Variants in FOXP4 observed in about 807,000 individuals in gnomAD.
FOXP4 encodes forkhead box P4.
FOXP4 carries 25 observed loss-of-function variants against 82.6 expected under a neutral mutation model. The observed-to-expected ratio is 0.30, with a 90% CI of 0.22 to 0.42. The LOEUF (loss-of-function observed/expected upper bound fraction) is 0.42. FOXP4 is among the 10% of genes least tolerant of loss of function. FOXP4 has a pLI of 1.00. For synonymous variants in FOXP4, 415 were observed against 388.2 expected, an observed-to-expected ratio of 1.07 and a Z score of -0.81; for missense variants, 785 against 900.9, an observed-to-expected ratio of 0.87 and a Z score of 1.65.
At position 41,595,756 on chromosome 6, in the gene FOXP4, C is replaced by T. The variant is rs370485514; in HGVS notation, c.1658+765C>T. Among the ~76,000 whole-genome samples, 3 of 152,230 alleles carry T rather than the reference C, an allele frequency of 2.0e-5. No homozygotes were observed. The East Asian group carries it at 5.8e-4, about 29-fold the overall frequency. On this transcript the variant is annotated intron_variant, in intron 14 of 16. Coordinates refer to ENST00000307972, the MANE Select transcript of FOXP4 (RefSeq NM_001012426.2). Reference sequence around the variant, plus strand: ...TAGCTAGAATTACAGGTGCCCACGACCACGCCCGGCTAATTTTTTTTGTAT... The same window carrying T: ...TAGCTAGAATTACAGGTGCCCACGATCACGCCCGGCTAATTTTTTTTGTAT...
chr6:41,594,758 G>C, intron 13 of FOXP4, 112 bp from the exon 14 acceptor site: 1 of 1,507,930 alleles, frequency 6.6e-7, no homozygotes, highest in Non-Finnish European at 9.0e-7. Context: ...GCTCATCCCT[G>C]AGCTGGGGAA....
chr6:41,561,254 C>G (rs1442639212), intron 1 of FOXP4, among the ~76,000 whole-genome samples: 1 of 152,206 alleles, frequency 6.6e-6, no homozygotes, highest in African/African-American at 2.4e-5. Flanking sequence ...TAGGTCCTGC[C>G]TAAGTGCAGG....
At position 41,548,826 on chromosome 6, in the gene FOXP4, T is replaced by A. The variant is rs1323667385; in HGVS notation, c.-17+1959T>A. Among the ~76,000 whole-genome samples, 4 of 1,074 alleles carry A rather than the reference T, an allele frequency of 3.7e-3. No homozygotes were observed. In the East Asian group the frequency reaches 0.094, roughly 25 times the overall value. 0.7% of individuals were successfully genotyped at this position (1,074 alleles called of 152,430 possible). ...CCGCTGTGGGGAAGTCTGAAGGCCT[T>A]TTTTTTTTTTTTTTTTTTTCAACTT... On this transcript the variant is annotated intron_variant, in intron 1 of 16. Coordinates refer to ENST00000307972, the MANE Select transcript of FOXP4 (RefSeq NM_001012426.2).
intron 2 of FOXP4, among the ~76,000 whole-genome samples, chr6:41,573,174 C>G (rs947489214): frequency 2.0e-5 from 3 of 152,112 alleles, no homozygotes; most frequent in Non-Finnish European, 2.9e-5. Flanking sequence ...CTGGGATCCT[C>G]CAGCCTGCTG....
chr6:41,592,349 T>C (rs974141463), intron 13 of FOXP4, among the ~76,000 whole-genome samples: 1 of 152,158 alleles, frequency 6.6e-6, no homozygotes, highest in African/African-American at 2.4e-5. Flanking sequence ...CATCATGACT[T>C]TCATATGCTC....
intron 2 of FOXP4, among the ~76,000 whole-genome samples, chr6:41,576,391 T>G (rs940898198): frequency 6.6e-6 from 1 of 152,162 alleles, no homozygotes; most frequent in African/African-American, 2.4e-5. Context: ...TGTATATGCT[T>G]GGTACACAGT....
In FOXP4 at chr6:41,591,679, C is replaced by T. The variant is rs1274034057; in HGVS notation, c.1536+357C>T. Among the ~76,000 whole-genome samples the T allele has an allele frequency of 6.6e-6, 1 of 152,072 alleles. No homozygotes were observed. Among genetic ancestry groups the T allele is most frequent in the Non-Finnish European group, 1.5e-5 (1 of 68,008 alleles). ...AAGCCTGGGCCGAATTTCACAGAGA[C>T]CCTAAGGGTCTGGATACCTTGGCTT... On this transcript the variant is annotated intron_variant, in intron 13 of 16. Coordinates refer to ENST00000307972, the MANE Select transcript of FOXP4 (RefSeq NM_001012426.2). The surrounding 1 kb of genome is among the most constrained non-coding windows in gnomAD (Gnocchi z 4.2).
At chr6:41,556,337 T>C (rs1764274274) in intron 1 of FOXP4, among the ~76,000 whole-genome samples, 1 of 151,726 alleles carries the variant, frequency 6.6e-6, no homozygotes, top group African/African-American at 2.4e-5. Context: ...TTTTTTTTTT[T>C]TTTTGAAATG....
intron 3 of FOXP4, among the ~76,000 whole-genome samples, chr6:41,580,363 A>G (rs904255670): frequency 4.6e-5 from 7 of 152,212 alleles, no homozygotes; most frequent in Non-Finnish European, 1.0e-4. Flanking sequence ...GGCGTGAGCC[A>G]TCGTGCCCGG....
In FOXP4 at chr6:41,554,294, C is replaced by T. The variant is rs973130681; in HGVS notation, c.-17+7427C>T. On this transcript the variant is annotated intron_variant, in intron 1 of 16. Transcript: ENST00000307972. ...CCCTGCTGAGTTTTGTTGACCCACACACAGTTCATTACAATGGTAAATTTC... is the reference window on the plus strand; with the variant it reads ...CCCTGCTGAGTTTTGTTGACCCACATACAGTTCATTACAATGGTAAATTTC... Among the ~76,000 whole-genome samples the T allele has an allele frequency of 3.3e-5, 5 of 152,212 alleles. No individual in the cohort carries two copies. The East Asian group carries it at 9.6e-4, about 29-fold the overall frequency.
rs568931703 is a variant in FOXP4 at position 41,561,787 on chromosome 6, G to A, written c.-16-3958G>A. ...TTCATGTCCACATGCCAGACTGAGA[G>A]TGAGAAGAGACCTTCAGGACCACCT... On this transcript the variant is annotated intron_variant, in intron 1 of 16. Coordinates refer to ENST00000307972, the MANE Select transcript of FOXP4 (RefSeq NM_001012426.2). 6.6e-5 allele frequency among the ~76,000 whole-genome samples: 10 copies of A among 152,352 alleles called. No homozygotes were observed. In the South Asian group the frequency reaches 1.9e-3, roughly 28 times the overall value.
chr6:41,588,511 C>T (rs549445254), intron 8 of FOXP4, 133 bp from the exon 9 acceptor site: 2 of 866,608 alleles, frequency 2.3e-6, no homozygotes, highest in South Asian at 3.0e-5. Context: ...CGTTTTTCCA[C>T]CTCTTTCTCT....
chr6:41,565,711 C>T (rs761354355), intron 1 of FOXP4, 34 bp from the exon 2 acceptor site: 2 of 1,542,344 alleles, frequency 1.3e-6, no homozygotes, highest in Non-Finnish European at 8.8e-7. Context: ...CCTTCAGCCT[C>T]AGCCTCTCCC....
intron 13 of FOXP4, among the ~76,000 whole-genome samples, 195 bp from the exon 14 acceptor site, chr6:41,594,675 C>T (rs941002514): frequency 2.6e-5 from 4 of 152,130 alleles, no homozygotes; most frequent in Admixed American, 1.3e-4. Flanking sequence ...GCTGGGAACC[C>T]CTGGCTCTAT....
At position 41,572,918 on chromosome 6, in the gene FOXP4, A is replaced by G. The variant is rs1011185789; in HGVS notation, c.205-5068A>G. 3.3e-5 allele frequency among the ~76,000 whole-genome samples: 5 copies of G among 152,228 alleles called. No homozygotes were observed. The East Asian group carries it at 9.6e-4, about 29-fold the overall frequency. Reference sequence around the variant, plus strand: ...TCTCTGGATCTCTGTTTCTCCATCTATCAGTGAACTAGAAAATACCTATTT... The same window carrying G: ...TCTCTGGATCTCTGTTTCTCCATCTGTCAGTGAACTAGAAAATACCTATTT... On this transcript the variant is annotated intron_variant, in intron 2 of 16. Transcript: ENST00000307972.
At position 41,588,523 on chromosome 6, in the gene FOXP4, C is replaced by G. The variant is rs983759426; in HGVS notation, c.978-121C>G. The G allele has an allele frequency of 6.3e-6, 6 of 955,444 alleles. No homozygotes were observed. In the African/African-American group the frequency reaches 9.6e-5, roughly 15 times the overall value. The allele number at this position is 955,444 out of a possible 1,614,324, so 59.2% of individuals were successfully genotyped here. On this transcript the variant is annotated intron_variant, in intron 8 of 16. Transcript: ENST00000307972. ...CCCCGTTTTTCCACCTCTTTCTCTTCTTTGTATCTCTTGGTCTGTCTGCTT... is the reference window on the plus strand; with the variant it reads ...CCCCGTTTTTCCACCTCTTTCTCTTGTTTGTATCTCTTGGTCTGTCTGCTT...
intron 1 of FOXP4, among the ~76,000 whole-genome samples, chr6:41,559,724 T>C (rs1372628501): frequency 6.6e-6 from 1 of 152,160 alleles, no homozygotes; most frequent in Non-Finnish European, 1.5e-5. Flanking sequence ...TGCAGATATA[T>C]CATCTAGTTT....
chr6:41,579,359 G>A (rs1765671505), intron 3 of FOXP4, among the ~76,000 whole-genome samples: 1 of 152,092 alleles, frequency 6.6e-6, no homozygotes, highest in Admixed American at 6.6e-5. Flanking sequence ...GTCAGGATTG[G>A]GCCTCTTTAA....
intron 2 of FOXP4, among the ~76,000 whole-genome samples, chr6:41,569,445 A>T (rs575873084): frequency 6.6e-6 from 1 of 152,154 alleles, no homozygotes; most frequent in Non-Finnish European, 1.5e-5. Context: ...CTTGTGTTTT[A>T]TTCTAATCTG....
Sources: allele counts gnomAD v4.1 joint callset (sites outside exome capture counted in the v4.1 genomes callset), GRCh38; gene constraint gnomAD v4.1.1; non-coding constraint Gnocchi (gnomAD v3.1); transcripts MANE v1.5; gene names NCBI Gene and HGNC (gene_info 2026-07-23, HGNC 2026-07-21).